Variants in STAB1 observed in about 807,000 individuals in gnomAD.
The protein encoded by STAB1 is stabilin 1, also known as stabilin-1.
Under a neutral mutation model 332.4 loss-of-function variants are expected in STAB1, and 250 were observed. That is an observed-to-expected ratio of 0.75 (90% CI 0.68 to 0.84). The LOEUF (loss-of-function observed/expected upper bound fraction) is 0.84, where lower values mean the gene tolerates loss of function less well. Among genes scored for constraint, STAB1 ranks in the 40% least tolerant of loss-of-function variants. STAB1 has a pLI of 0.00. For synonymous variants in STAB1, 1,475 were observed against 1,390.4 expected, an observed-to-expected ratio of 1.06 and a Z score of -1.35; for missense variants, 3,249 against 3,489.7, an observed-to-expected ratio of 0.93 and a Z score of 1.74.
In STAB1 at chr3:52,512,890, A is replaced by G. The variant is rs764506014; in HGVS notation, c.3090A>G (p.Ala1030=). ...RVTALVPSEA[A]VRQLSPEDRA... ...CAGCCCTGGTGCCCTCCGAGGCTGC[A>G]GTCCGTCAGCTGAGCCCCGAGGACC... Residue 1030 remains alanine, a synonymous_variant, in exon 29 of 69, where the codon GCA becomes GCG. Coordinates refer to ENST00000321725, the MANE Select transcript of STAB1 (RefSeq NM_015136.3). The G allele has an allele frequency of 1.9e-5, 30 of 1,611,904 alleles. No individual in the cohort carries two copies. The Admixed American group carries it at 4.5e-4, about 24-fold the overall frequency.
In STAB1 at chr3:52,504,379, C is replaced by T. The variant is rs1708687702; in HGVS notation, c.1151-82C>T. 2.0e-6 allele frequency: 3 copies of T among 1,499,938 alleles called. No individual in the cohort carries two copies. The Admixed American group carries it at 5.0e-5, about 25-fold the overall frequency. The allele number at this position is 1,499,938 out of a possible 1,614,324, so 92.9% of individuals were successfully genotyped here. On this transcript the variant is annotated intron_variant, in intron 10 of 68. Transcript: ENST00000321725. ...ATACCCCCACCCCAACTCCCCCACA[C>T]CAGGTCTGATGCCCGAACATCTTCT...
rs766901399 is a variant in STAB1, at chr3:52,517,522, C to T, written c.4564-28C>T. 12 of 1,609,412 alleles carry T rather than the reference C, an allele frequency of 7.5e-6. No individual in the cohort carries two copies. The Middle Eastern group carries it at 1.2e-3, about 156-fold the overall frequency. ...GTGCTGGCCAGCTGTTGGCTCCCAGCAGCCCCACTGATCAAGACTGGGGAC... is the reference window on the plus strand; with the variant it reads ...GTGCTGGCCAGCTGTTGGCTCCCAGTAGCCCCACTGATCAAGACTGGGGAC... On this transcript the variant is annotated intron_variant, in intron 43 of 68. Coordinates refer to ENST00000321725, the MANE Select transcript of STAB1 (RefSeq NM_015136.3).
At chr3:52,503,298 G>A (rs1191611261) in intron 7 of STAB1, 46 bp from the exon 8 acceptor site, 2 of 1,565,994 alleles carry the variant, frequency 1.3e-6, no homozygotes, top group African/African-American at 1.4e-5. Context: ...CGGAGACAGG[G>A]CTCCTGGGTG....
rs552014169 is a variant in STAB1 at position 52,496,056 on chromosome 3, C to T, written c.78+565C>T. On this transcript the variant is annotated intron_variant, in intron 1 of 68. Coordinates refer to ENST00000321725, the MANE Select transcript of STAB1 (RefSeq NM_015136.3). Reference sequence around the variant, plus strand: ...AGGTCCCCTTGAATCCTCACAGCCTCGGGGCAACTCCTCCTGTCCTCCTCG... The same window carrying T: ...AGGTCCCCTTGAATCCTCACAGCCTTGGGGCAACTCCTCCTGTCCTCCTCG... 2.5e-4 allele frequency among the ~76,000 whole-genome samples: 38 copies of T among 152,332 alleles called. No individual in the cohort carries two copies. In the South Asian group the frequency reaches 3.7e-3, roughly 15 times the overall value.
At position 52,523,922 on chromosome 3, in the gene STAB1, G is replaced by A. The variant is rs763039228; in HGVS notation, c.7447G>A (p.Val2483Met). The A allele has an allele frequency of 3.1e-6, 5 of 1,609,540 alleles. No homozygotes were observed. Among genetic ancestry groups the A allele is most frequent in the Admixed American group, 1.7e-5 (1 of 59,990 alleles). The change falls in exon 67 of 69, where the codon GTG becomes ATG. Residue 2483 changes from valine to methionine, a missense_variant. Val to Met is a conservative substitution (Grantham distance 21). Transcript: ENST00000321725. Reference sequence around the variant, plus strand: ...ACCTGTGGCGGCAGGCGTGGGGGCTGTGCTTGCCGCTGGAGCACTGCTTGG... The same window carrying A: ...ACCTGTGGCGGCAGGCGTGGGGGCTATGCTTGCCGCTGGAGCACTGCTTGG... ...APPVAAGVGA[V>M]LAAGALLGLV...
At chr3:52,507,218 T>C (rs986460424) in intron 18 of STAB1, among the ~76,000 whole-genome samples, 11 of 152,208 alleles carry the variant, frequency 7.2e-5, no homozygotes, top group Admixed American at 1.3e-4. Context: ...CTAATTTTTG[T>C]ATTTTTAGTA....
Position 52,523,996 on chromosome 3 carries a change from C to A in STAB1, c.7521C>A (p.Gly2507=). 1 of 1,612,152 alleles carries A rather than the reference C, an allele frequency of 6.2e-7. No homozygotes were observed. The highest frequency in any genetic ancestry group is 8.5e-7 in the Non-Finnish European group (1 of 1,179,832). The change falls in exon 67 of 69, where the codon GGC becomes GGA. Residue 2507 remains glycine, a synonymous_variant. Coordinates refer to ENST00000321725, the MANE Select transcript of STAB1 (RefSeq NM_015136.3). ...TCCGTGCCCGAGGCAAGCCCATGGG[C>A]TTTGGCTTCTCTGCCTTCCAGGTAG... The part of the protein sequence containing the change: ...LYLRARGKPM[G]FGFSAFQAED...
intron 40 of STAB1, 26 bp from the exon 41 acceptor site, chr3:52,516,666 T>A: frequency 6.2e-7 from 1 of 1,612,380 alleles, no homozygotes; most frequent in Non-Finnish European, 8.5e-7. Flanking sequence ...AGGCATGGGC[T>A]AAGCTGCTGC....
chr3:52,501,495 T>A, intron 2 of STAB1, 143 bp from the exon 3 acceptor site: 1 of 1,068,430 alleles, frequency 9.4e-7, no homozygotes, highest in Non-Finnish European at 1.3e-6. Flanking sequence ...ATGGGGCACC[T>A]GCTATGTGCT....
chr3:52,518,824 C>G lies in STAB1; in HGVS notation c.4989C>G (p.Tyr1663Ter). ...LRSEDLLEQG[Y>*]ATALSGHPLR... The stretch of plus-strand genomic sequence containing the variant: ...GCGAGGACCTGCTGGAGCAGGGGTA[C>G]GCCACGGCCCTCTCAGGGCACCCAC... Residue 1663 changes from tyrosine (Y) to a stop codon, truncating the protein, a stop_gained, in exon 48 of 69, where the codon TAC (tyrosine) becomes TAG (stop). Coordinates refer to ENST00000321725, the MANE Select transcript of STAB1 (RefSeq NM_015136.3). LOFTEE classifies it high-confidence loss of function. The G allele has an allele frequency of 6.2e-7, 1 of 1,609,582 alleles. No individual in the cohort carries two copies. The highest frequency in any genetic ancestry group is 8.5e-7 in the Non-Finnish European group (1 of 1,179,418).
At position 52,509,873 on chromosome 3, in the gene STAB1, G is replaced by A; in HGVS notation, c.2351G>A (p.Cys784Tyr). ...TGCTCCCATCTACTCCATACAGACT[G>A]CGGCTGTGTCCATGGTCTCTGCGAC... Reference protein sequence around the residue: ...NKHGEQCQEDCGCVHGLCDNR... With the variant: ...NKHGEQCQEDYGCVHGLCDNR... Residue 784 changes from cysteine to tyrosine, a missense_variant, in exon 23 of 69, where the codon TGC becomes TAC. Transcript: ENST00000321725. 6.2e-7 allele frequency: 1 copy of A among 1,613,010 alleles called. No homozygotes were observed. Among genetic ancestry groups the A allele is most frequent in the Non-Finnish European group, 8.5e-7 (1 of 1,180,016 alleles).
In STAB1 at chr3:52,516,449, AGAGT is replaced by A. The variant is rs1286240889; in HGVS notation, c.4240+4_4240+7del. On this transcript the variant is annotated splice_donor_variant and coding_sequence_variant, in exon 39 of 69. Transcript: ENST00000321725. LOFTEE classifies it high-confidence loss of function. Reference sequence around the variant, plus strand: ...GGCTGGCAGGGCCTCCGCTGTGACCAGAGTGAGTGGGTCCCAATGGGGAGGGGGC... The same window carrying A: ...GGCTGGCAGGGCCTCCGCTGTGACCAGAGTGGGTCCCAATGGGGAGGGGGC... 6.2e-7 allele frequency: 1 copy of A among 1,613,230 alleles called. No individual in the cohort carries two copies. Among genetic ancestry groups the A allele is most frequent in the Non-Finnish European group, 8.5e-7 (1 of 1,179,716 alleles).
chr3:52,512,674 G>T (rs375685131), intron 28 of STAB1, 31 bp downstream of exon 28: 31 of 1,613,282 alleles, frequency 1.9e-5, no homozygotes, highest in Non-Finnish European at 2.3e-5. Flanking sequence ...GGGGTTGAGG[G>T]CTCAAATCCA....
rs749222101 is a variant in STAB1 at position 52,510,519 on chromosome 3, C to T, written c.2787+12C>T. 4.3e-6 allele frequency: 7 copies of T among 1,609,906 alleles called. No homozygotes were observed. The Admixed American group carries it at 1.2e-4, about 27-fold the overall frequency. On this transcript the variant is annotated intron_variant, in intron 25 of 68. Coordinates refer to ENST00000321725, the MANE Select transcript of STAB1 (RefSeq NM_015136.3). ...TGGGCCCCGGGCAGGTGAGGTGCAG[C>T]AGAGAAGGGGTGGGGGCCTTGGTTC... is the stretch of plus-strand genomic sequence containing the variant.
intron 16 of STAB1, 45 bp downstream of exon 16, chr3:52,505,981 G>A: frequency 6.2e-7 from 1 of 1,608,038 alleles, no homozygotes; most frequent in Non-Finnish European, 8.5e-7. Context: ...TACCCGGTGG[G>A]CCTGCCTGCA....
intron 36 of STAB1, 23 bp from the exon 37 acceptor site, chr3:52,515,400 C>G: frequency 1.2e-6 from 2 of 1,611,358 alleles, no homozygotes; most frequent in South Asian, 2.2e-5. Context: ...TGGCTGACCC[C>G]TCCTGCCTGT....
intron 50 of STAB1, 142 bp from the exon 51 acceptor site, chr3:52,519,802 C>T: frequency 8.3e-7 from 1 of 1,203,482 alleles, no homozygotes; most frequent in East Asian, 2.6e-5. Context: ...GAGATGTGTG[C>T]ACACACATGC....
intron 36 of STAB1, 105 bp downstream of exon 36, chr3:52,515,150 A>G: frequency 1.4e-6 from 2 of 1,424,176 alleles, no homozygotes; most frequent in Non-Finnish European, 1.9e-6. Context: ...TGGCCCAGGC[A>G]TCCAGGCTCA....
chr3:52,518,488 C>G (rs775564578), intron 46 of STAB1, 48 bp from the exon 47 acceptor site: 2 of 1,562,432 alleles, frequency 1.3e-6, no homozygotes, highest in African/African-American at 1.4e-5. Flanking sequence ...GATCCATGGA[C>G]GCCTCAGGCT....
Sources: allele counts gnomAD v4.1 joint callset (sites outside exome capture counted in the v4.1 genomes callset), GRCh38; gene constraint gnomAD v4.1.1; transcripts MANE v1.5; gene names NCBI Gene and HGNC (gene_info 2026-07-23, HGNC 2026-07-21).